The following SCHIP1 variants were observed in gnomAD, a reference collection of about 807,000 sequenced individuals.
SCHIP1 encodes schwannomin-interacting protein 1.
Under a neutral mutation model 29.7 loss-of-function variants are expected in SCHIP1, and 8 were observed. The ratio of observed to expected loss-of-function variants is 0.27; its 90% CI spans 0.16 to 0.49. The LOEUF (loss-of-function observed/expected upper bound fraction) is 0.49. Ranked by LOEUF, SCHIP1 falls within the 20% of genes least tolerant of loss-of-function variation. The pLI is 0.99. For missense variants in SCHIP1, 193 were observed against 294.6 expected, an observed-to-expected ratio of 0.66 and a Z score of 2.52; for synonymous variants, 76 against 94.9, an observed-to-expected ratio of 0.80 and a Z score of 1.16.
At chr3:159,718,583 C>T in the SCHIP1 span, among the ~76,000 whole-genome samples, 1 of 152,024 alleles carries the variant, frequency 6.6e-6, no homozygotes, top group Non-Finnish European at 1.5e-5. Context: ...TCTTATACAC[C>T]AATAACAGAC....
intron 2 of SCHIP1, among the ~76,000 whole-genome samples, chr3:159,872,951 T>C (rs967700186): frequency 6.6e-6 from 1 of 152,214 alleles, no homozygotes; most frequent in East Asian, 1.9e-4. Context: ...GTCAGAACAT[T>C]GAGTTCACCA....
At chr3:159,891,631 A>G (rs569777864) in intron 5 of SCHIP1, among the ~76,000 whole-genome samples, 5 of 152,262 alleles carry the variant, frequency 3.3e-5, no homozygotes, top group Admixed American at 3.3e-4. Context: ...CTCCTTTCCT[A>G]GGGCCATGTG....
At chr3:159,755,727 A>C in the SCHIP1 span, among the ~76,000 whole-genome samples, 1 of 152,366 alleles carries the variant, frequency 6.6e-6, no homozygotes, top group Non-Finnish European at 1.5e-5. Flanking sequence ...TGTAAAATCA[A>C]AAGCAAGTTA....
chr3:159,548,950 T>A, the SCHIP1 span, among the ~76,000 whole-genome samples: 1 of 152,122 alleles, frequency 6.6e-6, no homozygotes, highest in African/African-American at 2.4e-5. Context: ...ACTGAAGAAA[T>A]TTGAGTTATA....
At chr3:159,644,083 T>C in the SCHIP1 span, among the ~76,000 whole-genome samples, 2,177 of 152,184 alleles carry the variant, frequency 0.014, 34 homozygotes, top group Non-Finnish European at 0.023. Context: ...CCAGGTATGT[T>C]TTGAGGGGCC....
the SCHIP1 span, among the ~76,000 whole-genome samples, chr3:159,494,642 C>T: frequency 2.0e-5 from 3 of 152,070 alleles, no homozygotes; most frequent in African/African-American, 4.8e-5. Context: ...AGTCCAGGAC[C>T]AGATGGATTC....
At chr3:159,767,395 C>G in the SCHIP1 span, among the ~76,000 whole-genome samples, 2 of 152,164 alleles carry the variant, frequency 1.3e-5, no homozygotes, top group Non-Finnish European at 2.9e-5. Flanking sequence ...TTGAAAAGCA[C>G]TGATTTAAAT....
At chr3:159,546,484 A>T in the SCHIP1 span, among the ~76,000 whole-genome samples, 1 of 152,166 alleles carries the variant, frequency 6.6e-6, no homozygotes, top group South Asian at 2.1e-4. Flanking sequence ...TACATGTGCC[A>T]TGGTGGTTTG....
At chr3:159,408,154 C>T in the SCHIP1 span, among the ~76,000 whole-genome samples, 2,434 of 151,868 alleles carry the variant, frequency 0.016, 81 homozygotes, top group African/African-American at 0.056. Context: ...AAAAATTAGC[C>T]GGGCATGGTG....
At chr3:159,661,291 T>A in the SCHIP1 span, among the ~76,000 whole-genome samples, 1 of 152,214 alleles carries the variant, frequency 6.6e-6, no homozygotes, top group African/African-American at 2.4e-5. Flanking sequence ...TCATTTATAA[T>A]GTTTTAGAGG....
At chr3:159,708,468 T>A in the SCHIP1 span, among the ~76,000 whole-genome samples, 7 of 152,188 alleles carry the variant, frequency 4.6e-5, no homozygotes, top group Middle Eastern at 3.4e-3. Context: ...AGAGAGAGGA[T>A]GAATTTTTTT....
chr3:159,404,963 G>T, the SCHIP1 span, among the ~76,000 whole-genome samples: 5 of 152,104 alleles, frequency 3.3e-5, no homozygotes, highest in Non-Finnish European at 7.3e-5. Context: ...ACTTTTTTGG[G>T]AGAAAGTAAG....
the SCHIP1 span, among the ~76,000 whole-genome samples, chr3:159,511,415 C>T: frequency 6.6e-6 from 1 of 152,206 alleles, no homozygotes; most frequent in Non-Finnish European, 1.5e-5. Flanking sequence ...CTTGCGCTTC[C>T]CGGGTGAAGC....
chr3:159,503,842 A>G, the SCHIP1 span, among the ~76,000 whole-genome samples: 2 of 152,180 alleles, frequency 1.3e-5, no homozygotes, highest in Non-Finnish European at 2.9e-5. Flanking sequence ...TTACTGAGTA[A>G]CCCTTAGGTG....
the SCHIP1 span, among the ~76,000 whole-genome samples, chr3:159,488,097 G>T: frequency 3.4e-5 from 4 of 118,694 alleles, no homozygotes; most frequent in Non-Finnish European, 5.9e-5. Context: ...GGCACAGAAA[G>T]ACAAACTTTA....
At chr3:159,492,358 G>T in the SCHIP1 span, among the ~76,000 whole-genome samples, 76 of 152,182 alleles carry the variant, frequency 5.0e-4, no homozygotes, top group Non-Finnish European at 1.8e-4. Context: ...TTTGAAAAAA[G>T]ATTAGACAAA....
the SCHIP1 span, among the ~76,000 whole-genome samples, chr3:159,788,443 G>GT: frequency 6.6e-6 from 1 of 152,178 alleles, no homozygotes; most frequent in African/African-American, 2.4e-5. Flanking sequence ...TCTTTCACTT[G>GT]TAAGAAATTA....
chr3:159,589,891 T>C, the SCHIP1 span, among the ~76,000 whole-genome samples: 1 of 152,152 alleles, frequency 6.6e-6, no homozygotes, highest in Admixed American at 6.5e-5. Flanking sequence ...TACAAGAGTC[T>C]GAGAAAGGAA....
intron 4 of SCHIP1, chr3:159,888,558 T>C: frequency 5.8e-6 from 2 of 344,740 alleles, no homozygotes; most frequent in Non-Finnish European, 1.0e-5. Flanking sequence ...TTTGTGGCTA[T>C]AACATTGACT....
Sources: gnomAD v4.1 joint callset for allele counts (sites outside exome capture counted in the v4.1 genomes callset) on GRCh38, gnomAD v4.1.1 for gene constraint, MANE v1.5 for transcripts, NCBI Gene and HGNC (gene_info 2026-07-23, HGNC 2026-07-21) for gene names.